The following SORL1 variants were observed in gnomAD, a reference collection of about 807,000 sequenced individuals.
SORL1 encodes the protein sortilin-related receptor.
A neutral mutation model predicts 273.7 loss-of-function variants in SORL1; 127 were observed. The observed-to-expected ratio is 0.46, with a 90% confidence interval of 0.40 to 0.54. SORL1 has a LOEUF of 0.54. Among genes scored for constraint, SORL1 ranks in the 20% least tolerant of loss-of-function variants. The probability of loss-of-function intolerance (pLI) is 0.00; values close to 1 mark genes in which losing one functional copy is unlikely to be tolerated. For missense variants in SORL1, 2,494 were observed against 2,846.1 expected (o/e 0.88, Z 2.81); for synonymous variants, 1,031 against 1,067.4 (o/e 0.97, Z 0.66).
chr11:121,486,777 C>T (rs918784132), intron 3 of SORL1, among the ~76,000 whole-genome samples: 4 of 152,002 alleles, frequency 2.6e-5, no homozygotes, highest in African/African-American at 7.2e-5. Context: ...CTGCGCCCGG[C>T]GGTGAGACTC....
intron 1 of SORL1, among the ~76,000 whole-genome samples, chr11:121,455,758 C>T (rs1264281417): frequency 2.0e-5 from 3 of 152,144 alleles, no homozygotes; most frequent in Admixed American, 6.5e-5. Flanking sequence ...TGTGGGAGGC[C>T]GAGGCGGGTG....
intron 25 of SORL1, among the ~76,000 whole-genome samples, chr11:121,578,437 C>G (rs1862968698): frequency 6.6e-6 from 1 of 152,228 alleles, no homozygotes; most frequent in Admixed American, 6.5e-5. Flanking sequence ...TCTGGCGGCT[C>G]AAAGCACGCC....
chr11:121,520,037 G>T (rs962682386), intron 8 of SORL1, among the ~76,000 whole-genome samples: 1 of 152,164 alleles, frequency 6.6e-6, no homozygotes, highest in African/African-American at 2.4e-5. Flanking sequence ...CATCACTTGA[G>T]CTGAGGAGTT....
In SORL1 at chr11:121,560,333, AG is replaced by A. The variant is rs1441464824; in HGVS notation, c.3049+678del. Among the ~76,000 whole-genome samples the A allele has an allele frequency of 7.9e-5, 12 of 152,212 alleles. 1 individual carries two copies. Among genetic ancestry groups the A allele is most frequent in the African/African-American group, 2.7e-4 (11 of 41,462 alleles). On this transcript the variant is annotated intron_variant, in intron 21 of 47. Transcript: ENST00000260197. Reference sequence around the variant, plus strand: ...AGCTGTCTTAGAGATCTACTGGGTGAGGCTTCAAGAACTGCTATGAGGCTTT... The same window carrying A: ...AGCTGTCTTAGAGATCTACTGGGTGAGCTTCAAGAACTGCTATGAGGCTTT...
chr11:121,493,506 C>T (rs891664719), intron 5 of SORL1, among the ~76,000 whole-genome samples: 3 of 152,200 alleles, frequency 2.0e-5, no homozygotes, highest in Non-Finnish European at 2.9e-5. Flanking sequence ...ATCCACCCAC[C>T]TTGGCCTCCC....
Position 121,625,065 on chromosome 11 carries a change from T to C in SORL1, c.6172-20T>C. 1 of 1,572,626 alleles carries C rather than the reference T, an allele frequency of 6.4e-7. No individual in the cohort carries two copies. Among genetic ancestry groups the C allele is most frequent in the Non-Finnish European group, 8.7e-7 (1 of 1,148,110 alleles). On this transcript the variant is annotated intron_variant, in intron 45 of 47. Transcript: ENST00000260197. The stretch of plus-strand genomic sequence containing the variant: ...TTTCCATATTCGACTTCCTGAGCAA[T>C]CTCTTGTGTTTGTTTTCAGGGCTAT...
intron 18 of SORL1, among the ~76,000 whole-genome samples, chr11:121,555,546 T>TAACAATAAATAAATA (rs1862566589): frequency 6.6e-6 from 1 of 152,122 alleles, no homozygotes; most frequent in Non-Finnish European, 1.5e-5. Context: ...CAATAAATGG[T>TAACAATAAATAAATA]AATATTTTTA....
chr11:121,496,292 G>A (rs1032516409), intron 5 of SORL1, among the ~76,000 whole-genome samples: 13 of 152,244 alleles, frequency 8.5e-5, no homozygotes, highest in Non-Finnish European at 5.9e-5. Flanking sequence ...ACATCAAGGA[G>A]ATCAGTATGT....
intron 24 of SORL1, chr11:121,576,879 A>C (rs1565342117): frequency 2.0e-6 from 3 of 1,535,360 alleles, no homozygotes; most frequent in Non-Finnish European, 2.6e-6. Context: ...CTTTTCTCAA[A>C]CCACAGGCTG....
chr11:121,602,630 C>T (rs182449257), intron 32 of SORL1, among the ~76,000 whole-genome samples: 22 of 152,244 alleles, frequency 1.4e-4, no homozygotes, highest in Admixed American at 7.2e-4. Flanking sequence ...GGGAGGGGGT[C>T]GAGGTCAAGA....
chr11:121,558,703 A>G lies in SORL1; in HGVS notation c.2776A>G (p.Ile926Val). ...TGAGGATGTGAAGTGGCCCAATGGC[A>G]TCTCTGTGGACGACCAGTGGATTTA... ...VSEDVKWPNG[I>V]SVDDQWIYWT... The change falls in exon 20 of 48, where the codon ATC becomes GTC. Residue 926 changes from isoleucine (I) to valine (V), a missense_variant. Transcript: ENST00000260197. 1 of 1,614,062 alleles carries G rather than the reference A, an allele frequency of 6.2e-7. No individual in the cohort carries two copies. Among genetic ancestry groups the G allele is most frequent in the Non-Finnish European group, 8.5e-7 (1 of 1,179,976 alleles).
Position 121,549,943 on chromosome 11 carries a change from C to G in SORL1, c.2052-17C>G. 6.2e-7 allele frequency: 1 copy of G among 1,611,856 alleles called. No individual in the cohort carries two copies. Among genetic ancestry groups the G allele is most frequent in the Non-Finnish European group, 8.5e-7 (1 of 1,178,650 alleles). ...GTATAAAACCGTGGCCTTAACAAAG[C>G]CCAATTGCCTTTTTAGTGACTTCGG... On this transcript the variant is annotated splice_polypyrimidine_tract_variant and intron_variant, in intron 14 of 47. Coordinates refer to ENST00000260197, the MANE Select transcript of SORL1 (RefSeq NM_003105.6).
Position 121,553,944 on chromosome 11 carries a change from C to T in SORL1, c.2274C>T (p.Asn758=), listed in dbSNP as rs774864914. The part of the protein sequence containing the change: ...ELVPCPLAEE[N]EFILYAVRKS... ...GTCTTGTGTGTCTGGCAGAAGAGAA[C>T]GAGTTCATTCTGTATGCTGTGAGGA... Residue 758 remains asparagine, a synonymous_variant, in exon 17 of 48, where the codon AAC becomes AAT. Transcript: ENST00000260197. The T allele has an allele frequency of 1.7e-5, 28 of 1,612,638 alleles. No homozygotes were observed. The highest frequency in any genetic ancestry group is 1.6e-4 in the Middle Eastern group (1 of 6,076).
chr11:121,553,357 G>A (rs1243963649), intron 16 of SORL1, among the ~76,000 whole-genome samples: 1 of 152,220 alleles, frequency 6.6e-6, no homozygotes, highest in East Asian at 1.9e-4. Flanking sequence ...CAGAATTTTT[G>A]TGGTGATTAT....
At position 121,570,015 on chromosome 11, in the gene SORL1, G is replaced by C. The variant is rs528756574; in HGVS notation, c.3224-142G>C. Reference sequence around the variant, plus strand: ...TAGAAAAGAACCTATGTGAAATATCGGGGGTGAATTTCACCCGATATCTGG... The same window carrying C: ...TAGAAAAGAACCTATGTGAAATATCCGGGGTGAATTTCACCCGATATCTGG... On this transcript the variant is annotated intron_variant, in intron 22 of 47. Coordinates refer to ENST00000260197, the MANE Select transcript of SORL1 (RefSeq NM_003105.6). 135 of 509,822 alleles carry C rather than the reference G, an allele frequency of 2.6e-4. 1 individual carries two copies. The highest frequency in any genetic ancestry group is 4.2e-4 in the Non-Finnish European group (119 of 281,600). The allele number at this position is 509,822 out of a possible 1,614,324, so 31.6% of individuals were successfully genotyped here.
intron 6 of SORL1, among the ~76,000 whole-genome samples, chr11:121,509,385 C>G (rs975462550): frequency 4.6e-5 from 7 of 152,158 alleles, no homozygotes; most frequent in Non-Finnish European, 1.0e-4. Context: ...CCTCTTTTCT[C>G]CTTGATCCTC....
rs550828980 is a variant in SORL1, at chr11:121,614,791, A to T, written c.5420-80A>T. On this transcript the variant is annotated intron_variant, in intron 40 of 47. Transcript: ENST00000260197. Reference sequence around the variant, plus strand: ...AGTCAAGAGATTACTATTTTTTTTTAAAAAAGTGCATGTACCAAGACACGT... The same window carrying T: ...AGTCAAGAGATTACTATTTTTTTTTTAAAAAGTGCATGTACCAAGACACGT... 330 of 1,124,572 alleles carry T rather than the reference A, an allele frequency of 2.9e-4. 1 individual carries two copies. Among genetic ancestry groups the T allele is most frequent in the African/African-American group, 8.2e-4 (52 of 63,618 alleles). 69.7% of individuals were successfully genotyped at this position (1,124,572 alleles called of 1,614,324 possible).
At chr11:121,532,688 T>A (rs1400866739) in intron 12 of SORL1, 136 bp downstream of exon 12, 7 of 175,748 alleles carry the variant, frequency 4.0e-5, no homozygotes, top group Non-Finnish European at 6.6e-5. Context: ...TGAGTTAAAC[T>A]TTTTTTTTTT....
chr11:121,468,607 G>T (rs1861122868), intron 1 of SORL1, among the ~76,000 whole-genome samples: 1 of 152,172 alleles, frequency 6.6e-6, no homozygotes, highest in African/African-American at 2.4e-5. Flanking sequence ...TTTTAGTAGA[G>T]ATGGGGTTTC....
Sources: allele counts gnomAD v4.1 joint callset (sites outside exome capture counted in the v4.1 genomes callset), GRCh38; gene constraint gnomAD v4.1.1; transcripts MANE v1.5; gene names NCBI Gene and HGNC (gene_info 2026-07-23, HGNC 2026-07-21).